Variants in KCNQ5 observed in about 807,000 individuals in gnomAD.
KCNQ5 encodes potassium voltage-gated channel subfamily Q member 5.
A neutral mutation model predicts 98.2 loss-of-function variants in KCNQ5; 30 were observed. The observed-to-expected ratio is 0.31, with a 90% CI of 0.23 to 0.41. KCNQ5 has a LOEUF of 0.41. KCNQ5 is among the 10% of genes least tolerant of loss of function. The pLI is 1.00. For synonymous variants in KCNQ5, 458 were observed against 449.4 expected, an observed-to-expected ratio of 1.02 and a Z score of -0.24; for missense variants, 835 against 1,182.5, an observed-to-expected ratio of 0.71 and a Z score of 4.31.
chr6:72,633,608 A>G (rs2098922318), intron 1 of KCNQ5, among the ~76,000 whole-genome samples: 2 of 152,258 alleles, frequency 1.3e-5, no homozygotes, highest in African/African-American at 4.8e-5. Flanking sequence ...CAAAAAGAAC[A>G]AAGCTGGAGG....
intron 1 of KCNQ5, among the ~76,000 whole-genome samples, chr6:72,885,142 A>G (rs1047133767): frequency 2.6e-5 from 4 of 152,250 alleles, no homozygotes; most frequent in East Asian, 1.9e-4. Flanking sequence ...GAAATGATTC[A>G]ACAAAAATTA....
At chr6:73,175,075 C>T (rs1778160526) in intron 11 of KCNQ5, among the ~76,000 whole-genome samples, 1 of 152,114 alleles carries the variant, frequency 6.6e-6, no homozygotes, top group African/African-American at 2.4e-5. Context: ...ATCTCCTTCA[C>T]CTGGAAGCAC....
At position 72,645,939 on chromosome 6, in the gene KCNQ5, T is replaced by G. The variant is rs907834938; in HGVS notation, c.398+23352T>G. On this transcript the variant is annotated intron_variant, in intron 1 of 13. Coordinates refer to ENST00000370398, the MANE Select transcript of KCNQ5 (RefSeq NM_019842.4). The stretch of plus-strand genomic sequence containing the variant: ...CTGAAAGGCATTTTTTCTTAATGAA[T>G]GTAGAGATTTCCACTTCCCCCCAGG... 2.6e-5 allele frequency among the ~76,000 whole-genome samples: 4 copies of G among 152,246 alleles called. No individual in the cohort carries two copies. In the South Asian group the frequency reaches 8.3e-4, roughly 32 times the overall value.
rs564677152 is a variant in KCNQ5 at position 73,032,825 on chromosome 6, G to A, written c.490-9111G>A. On this transcript the variant is annotated intron_variant, in intron 2 of 13. Transcript: ENST00000370398. The stretch of plus-strand genomic sequence containing the variant: ...GTATAAATAGGTTTAGGATGGGGGA[G>A]GATGGACAACAAAAAAAACCTCAGT... 8.6e-5 allele frequency among the ~76,000 whole-genome samples: 12 copies of A among 139,058 alleles called. No homozygotes were observed. In the South Asian group the frequency reaches 2.5e-3, roughly 29 times the overall value. The allele number at this position is 139,058 out of a possible 152,430, so 91.2% of individuals were successfully genotyped here. A position where few individuals can be genotyped will look rare whatever the true frequency, so the allele number is the denominator to read the frequency against.
chr6:72,738,999 C>G (rs559406693), intron 1 of KCNQ5, among the ~76,000 whole-genome samples: 12 of 152,154 alleles, frequency 7.9e-5, no homozygotes, highest in African/African-American at 1.7e-4. Context: ...TTGTCAAAAC[C>G]CATATAATGT....
intron 1 of KCNQ5, among the ~76,000 whole-genome samples, chr6:72,632,379 G>C (rs1394075483): frequency 2.0e-5 from 3 of 151,528 alleles, no homozygotes; most frequent in African/African-American, 7.3e-5. Flanking sequence ...CTGACCTCGT[G>C]ATCCGCCCGC....
intron 12 of KCNQ5, among the ~76,000 whole-genome samples, chr6:73,191,641 G>A (rs959689660): frequency 6.6e-6 from 1 of 152,030 alleles, no homozygotes; most frequent in Non-Finnish European, 1.5e-5. Context: ...TAAAATACCT[G>A]TTCATCAATT....
intron 13 of KCNQ5, among the ~76,000 whole-genome samples, chr6:73,193,465 A>AAAAT: frequency 1.6e-5 from 1 of 61,898 alleles, no homozygotes; most frequent in South Asian, 3.8e-4. Context: ...GTCTCTACTA[A>AAAAT]AAATAAAATA....
At chr6:72,714,462 A>G (rs995814519) in intron 1 of KCNQ5, among the ~76,000 whole-genome samples, 4 of 144,130 alleles carry the variant, frequency 2.8e-5, no homozygotes, top group Admixed American at 2.7e-4. Flanking sequence ...CACTAAACTG[A>G]AAAAAAAAAG....
At chr6:72,801,053 G>A (rs1312791737) in intron 1 of KCNQ5, among the ~76,000 whole-genome samples, 1 of 152,062 alleles carries the variant, frequency 6.6e-6, no homozygotes, top group African/African-American at 2.4e-5. Context: ...CAACTATGTG[G>A]TCAATTTTGG....
intron 1 of KCNQ5, among the ~76,000 whole-genome samples, chr6:72,970,250 C>G (rs987438156): frequency 6.6e-6 from 1 of 151,764 alleles, no homozygotes; most frequent in Non-Finnish European, 1.5e-5. Context: ...CAGAGCAAGA[C>G]CCCATCTCTA....
rs78742260 is a variant in KCNQ5, at chr6:73,087,985, A to G, written c.918+10098A>G. 5.3e-5 allele frequency among the ~76,000 whole-genome samples: 8 copies of G among 149,686 alleles called. No individual in the cohort carries two copies. The East Asian group carries it at 1.4e-3, about 26-fold the overall frequency. ...CACCATATTCAGTCTCTTTTTCTCAATGCTCATTGTCCTTGTTTTCTTTTT... is the reference window on the plus strand; with the variant it reads ...CACCATATTCAGTCTCTTTTTCTCAGTGCTCATTGTCCTTGTTTTCTTTTT... On this transcript the variant is annotated intron_variant, in intron 5 of 13. Transcript: ENST00000370398.
Position 72,814,100 on chromosome 6 carries a change from A to G in KCNQ5, c.399-189808A>G, listed in dbSNP as rs557135384. Among the ~76,000 whole-genome samples, 414 of 152,352 alleles carry G rather than the reference A, an allele frequency of 2.7e-3. 2 individuals carry two copies. Among genetic ancestry groups the G allele is most frequent in the Middle Eastern group, 0.02 (6 of 294 alleles). On this transcript the variant is annotated intron_variant, in intron 1 of 13. Transcript: ENST00000370398. Reference sequence around the variant, plus strand: ...TGAGAGCAAGAGCGTGGCCCAGTGCAGAGCCAGGCCCAAGGCCACTGATGC... The same window carrying G: ...TGAGAGCAAGAGCGTGGCCCAGTGCGGAGCCAGGCCCAAGGCCACTGATGC...
chr6:72,841,477 G>A (rs1776789459), intron 1 of KCNQ5, among the ~76,000 whole-genome samples: 1 of 152,088 alleles, frequency 6.6e-6, no homozygotes, highest in Non-Finnish European at 1.5e-5. Flanking sequence ...GACAACTGGA[G>A]TGGATAATTT....
intron 1 of KCNQ5, among the ~76,000 whole-genome samples, chr6:72,697,009 G>A (rs746172313): frequency 2.0e-5 from 3 of 152,026 alleles, no homozygotes; most frequent in South Asian, 2.1e-4. Context: ...GGTCAATCGC[G>A]GTATCATTCT....
intron 3 of KCNQ5, among the ~76,000 whole-genome samples, chr6:73,049,061 A>G (rs944741005): frequency 1.3e-5 from 2 of 152,298 alleles, no homozygotes; most frequent in African/African-American, 2.4e-5. Flanking sequence ...GGTGCCTGCA[A>G]TTTGCCAGTA....
chr6:72,929,634 A>C (rs908113096), intron 1 of KCNQ5, among the ~76,000 whole-genome samples: 5 of 152,180 alleles, frequency 3.3e-5, no homozygotes, highest in Non-Finnish European at 5.9e-5. Flanking sequence ...CATAAAGTAC[A>C]TAAAGTACAA....
At chr6:73,177,996 G>A (rs1320583561) in intron 11 of KCNQ5, among the ~76,000 whole-genome samples, 1 of 151,854 alleles carries the variant, frequency 6.6e-6, no homozygotes, top group Non-Finnish European at 1.5e-5. Flanking sequence ...TTTAAACTGA[G>A]TTTTCTATTA....
intron 1 of KCNQ5, among the ~76,000 whole-genome samples, chr6:72,665,742 T>C (rs1169086329): frequency 1.3e-5 from 2 of 152,212 alleles, no homozygotes; most frequent in East Asian, 3.8e-4. Context: ...AGTTGCCGCA[T>C]GAGGGTGATT....
Sources: allele counts gnomAD v4.1 joint callset (sites outside exome capture counted in the v4.1 genomes callset), GRCh38; gene constraint gnomAD v4.1.1; transcripts MANE v1.5; gene names NCBI Gene and HGNC (gene_info 2026-07-23, HGNC 2026-07-21).